MBNL2: variants seen among roughly 807,000 people sequenced by gnomAD.
The protein encoded by MBNL2 is muscleblind-like protein 2.
Under a neutral mutation model 41.9 loss-of-function variants are expected in MBNL2, and 17 were observed. The observed-to-expected ratio is 0.41, with a 90% CI of 0.28 to 0.61. The LOEUF is 0.61. Among genes scored for constraint, MBNL2 ranks in the 20% least tolerant of loss-of-function variants. The probability of loss-of-function intolerance (pLI) is 0.35; values close to 1 mark genes in which losing one functional copy is unlikely to be tolerated. For synonymous variants in MBNL2, 195 were observed against 182.9 expected (o/e 1.07, Z -0.53); for missense variants, 336 against 505.6 (o/e 0.66, Z 3.22).
In MBNL2 at chr13:97,352,035, TATA is replaced by T. The variant is rs200083923; in HGVS notation, c.805-4759_805-4757del. Among the ~76,000 whole-genome samples the T allele has an allele frequency of 4.0e-5, 6 of 148,728 alleles. No individual in the cohort carries two copies. The East Asian group carries it at 1.2e-3, about 29-fold the overall frequency. On this transcript the variant is annotated intron_variant, in intron 5 of 8. Transcript: ENST00000679496. ...TGAGACTGTCTCAGAAAAATAAAAATATAAATAAATAAATAAATAAATAAATAA... is the reference window on the plus strand; with the variant it reads ...TGAGACTGTCTCAGAAAAATAAAAATAATAAATAAATAAATAAATAAATAA...
intron 5 of MBNL2, 22 bp from the exon 6 acceptor site, chr13:97,356,774 G>A (rs1448102659): frequency 7.4e-7 from 1 of 1,358,460 alleles, no homozygotes; most frequent in South Asian, 1.1e-5. Context: ...GCCATCATGT[G>A]CTCGCTGCCT....
chr13:97,208,737 C>T, the MBNL2 span, among the ~76,000 whole-genome samples: 1 of 152,156 alleles, frequency 6.6e-6, no homozygotes, highest in Non-Finnish European at 1.5e-5. Context: ...TAACATTCAC[C>T]TTCCTCAACC....
At chr13:97,144,831 G>A in the MBNL2 span, among the ~76,000 whole-genome samples, 1 of 152,202 alleles carries the variant, frequency 6.6e-6, no homozygotes, top group African/African-American at 2.4e-5. Context: ...AAATAAGGAG[G>A]TCAAGGTGCA....
Position 97,391,472 on chromosome 13 carries a change from C to T in MBNL2, c.*23C>T, listed in dbSNP as rs1279799672. Reference sequence around the variant, plus strand: ...TAAATAAAGATGTAGTTCTTCTGGACAGACCACAACTCTAAGAAGCTAGTG... The same window carrying T: ...TAAATAAAGATGTAGTTCTTCTGGATAGACCACAACTCTAAGAAGCTAGTG... On this transcript the variant is annotated 3_prime_UTR_variant, in exon 9 of 9. Coordinates refer to ENST00000679496, the MANE Select transcript of MBNL2 (RefSeq NM_001382683.1). 2 of 931,448 alleles carry T rather than the reference C, an allele frequency of 2.1e-6. No individual in the cohort carries two copies. The allele number at this position is 931,448 out of a possible 1,614,324, so 57.7% of individuals were successfully genotyped here.
intron 1 of MBNL2, among the ~76,000 whole-genome samples, chr13:97,254,783 T>C (rs1223274418): frequency 6.6e-6 from 1 of 152,230 alleles, no homozygotes; most frequent in South Asian, 2.1e-4. Context: ...AAGGCAAGAT[T>C]GAGTCTTGTC....
chr13:97,155,381 CTTT>C, the MBNL2 span, among the ~76,000 whole-genome samples: 1 of 139,880 alleles, frequency 7.1e-6, no homozygotes, highest in Non-Finnish European at 1.6e-5. Flanking sequence ...AAGTAATTTT[CTTT>C]TTTTTTTTTA....
At chr13:97,349,604 T>C (rs1406193805) in intron 5 of MBNL2, among the ~76,000 whole-genome samples, 1 of 152,194 alleles carries the variant, frequency 6.6e-6, no homozygotes, top group Admixed American at 6.5e-5. Context: ...CTTGGCTCAC[T>C]GGAGCCTCCG....
At chr13:97,385,448 C>A (rs1024462399) in intron 8 of MBNL2, among the ~76,000 whole-genome samples, 22 of 152,328 alleles carry the variant, frequency 1.4e-4, no homozygotes, top group Non-Finnish European at 3.1e-4. Flanking sequence ...CACAGGAAGA[C>A]TGAACCAAAA....
intron 8 of MBNL2, among the ~76,000 whole-genome samples, chr13:97,373,922 T>A (rs2064663129): frequency 6.6e-6 from 1 of 151,998 alleles, no homozygotes; most frequent in Admixed American, 6.6e-5. Context: ...TGGGTAGAAT[T>A]CTTTTGTATA....
At chr13:97,374,904 G>T (rs2064818768) in intron 8 of MBNL2, among the ~76,000 whole-genome samples, 1 of 152,140 alleles carries the variant, frequency 6.6e-6, no homozygotes. Flanking sequence ...TAGCTACAGT[G>T]AAGGAATTCA....
chr13:97,148,457 C>G, the MBNL2 span, among the ~76,000 whole-genome samples: 1 of 151,952 alleles, frequency 6.6e-6, no homozygotes, highest in African/African-American at 2.4e-5. Context: ...AAACGATGGA[C>G]TTTGGGTGAT....
At chr13:97,203,797 A>T in the MBNL2 span, among the ~76,000 whole-genome samples, 1 of 152,190 alleles carries the variant, frequency 6.6e-6, no homozygotes, top group Non-Finnish European at 1.5e-5. Flanking sequence ...TAGTCTTTAA[A>T]AGATTCCAAT....
chr13:97,211,277 A>T, the MBNL2 span, among the ~76,000 whole-genome samples: 1 of 152,240 alleles, frequency 6.6e-6, no homozygotes, highest in South Asian at 2.1e-4. Context: ...TGCGAAATAA[A>T]ATCATTCTAT....
intron 4 of MBNL2, among the ~76,000 whole-genome samples, chr13:97,344,683 G>A (rs2061695561): frequency 6.6e-6 from 1 of 152,180 alleles, no homozygotes; most frequent in Non-Finnish European, 1.5e-5. Context: ...GTCAATTACT[G>A]AATAGACCTT....
At chr13:97,388,318 T>C (rs954078672) in intron 8 of MBNL2, among the ~76,000 whole-genome samples, 16 of 144,688 alleles carry the variant, frequency 1.1e-4, no homozygotes, top group African/African-American at 4.1e-4. Flanking sequence ...TACATACATA[T>C]ATATATATAT....
upstream of MBNL2, chr13:97,222,166 T>A: frequency 2.8e-6 from 1 of 361,694 alleles, no homozygotes; most frequent in Non-Finnish European, 4.9e-6. Context: ...CTTTCATCAG[T>A]ATGGATGCAC....
At chr13:97,270,411 C>T (rs1402750872) in intron 1 of MBNL2, among the ~76,000 whole-genome samples, 1 of 151,954 alleles carries the variant, frequency 6.6e-6, no homozygotes, top group African/African-American at 2.4e-5. Flanking sequence ...CTACTTGGAG[C>T]ACATCTGAAT....
chr13:97,291,630 C>T (rs930041664), intron 2 of MBNL2, among the ~76,000 whole-genome samples: 3 of 152,094 alleles, frequency 2.0e-5, no homozygotes, highest in Non-Finnish European at 2.9e-5. Flanking sequence ...CGCGGTGGCT[C>T]ACGCCTATAA....
intron 1 of MBNL2, among the ~76,000 whole-genome samples, chr13:97,257,399 A>G (rs1176780088): frequency 6.6e-6 from 1 of 152,238 alleles, no homozygotes; most frequent in Non-Finnish European, 1.5e-5. Context: ...CCTACTCAGC[A>G]GTATGCCTCT....
Sources: gnomAD v4.1 joint callset for allele counts (sites outside exome capture counted in the v4.1 genomes callset) on GRCh38, gnomAD v4.1.1 for gene constraint, MANE v1.5 for transcripts, NCBI Gene and HGNC (gene_info 2026-07-23, HGNC 2026-07-21) for gene names.